ATP8B4: variants seen among roughly 807,000 people sequenced by gnomAD.
ATP8B4 encodes the protein ATPase phospholipid transporting 8B4 (putative), also known as probable phospholipid-transporting ATPase IM.
A neutral mutation model predicts 145.6 loss-of-function variants in ATP8B4; 133 were observed. The ratio of observed to expected loss-of-function variants is 0.91; its 90% CI spans 0.79 to 1.05. ATP8B4 has a LOEUF of 1.05. ATP8B4 is among the 50% of genes least tolerant of loss of function. The pLI, the probability that ATP8B4 is intolerant of heterozygous loss-of-function variation, is 0.00. For synonymous variants in ATP8B4, 507 were observed against 492.9 expected, an observed-to-expected ratio of 1.03 and a Z score of -0.38; for missense variants, 1,458 against 1,425.2, an observed-to-expected ratio of 1.02 and a Z score of -0.37.
chr15:50,171,127 C>A (rs917623044), intron 1 of ATP8B4, among the ~76,000 whole-genome samples: 3 of 152,114 alleles, frequency 2.0e-5, no homozygotes, highest in Non-Finnish European at 4.4e-5. Flanking sequence ...CTTCAATACT[C>A]CACTGACAGC....
intron 2 of ATP8B4, among the ~76,000 whole-genome samples, chr15:50,075,747 A>C (rs1035191991): frequency 2.6e-5 from 4 of 152,224 alleles, no homozygotes; most frequent in Non-Finnish European, 2.9e-5. Context: ...ACCCTGGCTA[A>C]AAAGCACCAT....
At chr15:50,056,246 G>A (rs918669234) in intron 3 of ATP8B4, among the ~76,000 whole-genome samples, 2 of 152,138 alleles carry the variant, frequency 1.3e-5, no homozygotes, top group Admixed American at 6.5e-5. Context: ...TTTTGTTAAA[G>A]TCCTTCTGTG....
At chr15:49,940,216 TA>T (rs1292676718) in intron 14 of ATP8B4, among the ~76,000 whole-genome samples, 3 of 152,122 alleles carry the variant, frequency 2.0e-5, no homozygotes, top group Admixed American at 1.3e-4. Flanking sequence ...TATACAGCCA[TA>T]AAAAAGAATG....
intron 1 of ATP8B4, among the ~76,000 whole-genome samples, chr15:50,162,223 G>T (rs1319573540): frequency 3.3e-5 from 5 of 151,686 alleles, no homozygotes; most frequent in African/African-American, 1.2e-4. Context: ...CTTGACCTTT[G>T]AAGTCTGATT....
intron 23 of ATP8B4, among the ~76,000 whole-genome samples, chr15:49,889,756 T>C (rs1381577880): frequency 6.6e-6 from 1 of 152,212 alleles, no homozygotes; most frequent in African/African-American, 2.4e-5. Context: ...GGCAGACTGA[T>C]GTAGTAAAGA....
At chr15:49,960,646 T>C (rs2043983660) in intron 14 of ATP8B4, among the ~76,000 whole-genome samples, 1 of 152,268 alleles carries the variant, frequency 6.6e-6, no homozygotes, top group Middle Eastern at 3.4e-3. Flanking sequence ...GAAAAAGTGA[T>C]AAACTCAATT....
chr15:49,959,104 A>T (rs899347742), intron 14 of ATP8B4, among the ~76,000 whole-genome samples: 3 of 152,138 alleles, frequency 2.0e-5, no homozygotes, highest in Non-Finnish European at 2.9e-5. Flanking sequence ...GTAGCATATT[A>T]AAAAACAGTT....
chr15:50,065,202 G>A (rs1363894700), intron 3 of ATP8B4, among the ~76,000 whole-genome samples: 1 of 152,034 alleles, frequency 6.6e-6, no homozygotes, highest in African/African-American at 2.4e-5. Context: ...ACATTATGTT[G>A]TGTACTATAA....
At chr15:50,125,903 G>A (rs146276470) in intron 1 of ATP8B4, among the ~76,000 whole-genome samples, 1 of 152,232 alleles carries the variant, frequency 6.6e-6, no homozygotes, top group Non-Finnish European at 1.5e-5. Context: ...CTGAATCTAT[G>A]CTCCCAGGTT....
intron 3 of ATP8B4, among the ~76,000 whole-genome samples, chr15:50,054,266 C>T (rs1161265191): frequency 6.6e-6 from 1 of 152,210 alleles, no homozygotes; most frequent in Non-Finnish European, 1.5e-5. Context: ...ATCTCCAATG[C>T]TTCGAGGTAT....
chr15:49,964,974 G>C (rs1264369683), intron 13 of ATP8B4, among the ~76,000 whole-genome samples: 3 of 152,152 alleles, frequency 2.0e-5, no homozygotes, highest in African/African-American at 7.2e-5. Flanking sequence ...TATGTTTTGG[G>C]TTAAAGCAAT....
chr15:49,953,248 T>C (rs2043257354), intron 14 of ATP8B4, among the ~76,000 whole-genome samples: 1 of 152,160 alleles, frequency 6.6e-6, no homozygotes, highest in African/African-American at 2.4e-5. Flanking sequence ...GGAAGGGCTG[T>C]GTTTCACTGG....
At chr15:49,998,767 G>T (rs1043699457) in intron 8 of ATP8B4, among the ~76,000 whole-genome samples, 17 of 152,124 alleles carry the variant, frequency 1.1e-4, no homozygotes, top group African/African-American at 3.9e-4. Context: ...GTCAATTTTG[G>T]CTTTTGTTGC....
chr15:50,046,849 T>C (rs2051763233), intron 4 of ATP8B4, among the ~76,000 whole-genome samples: 1 of 152,220 alleles, frequency 6.6e-6, no homozygotes, highest in East Asian at 1.9e-4. Context: ...GGTTACTAAA[T>C]ACCAATTAAC....
intron 13 of ATP8B4, among the ~76,000 whole-genome samples, chr15:49,969,793 A>G (rs2044915942): frequency 6.6e-6 from 1 of 152,226 alleles, no homozygotes; most frequent in Non-Finnish European, 1.5e-5. Context: ...TCATCCTGAT[A>G]CCAAAACTGG....
chr15:50,056,561 T>C (rs2052611211), intron 3 of ATP8B4, among the ~76,000 whole-genome samples: 2 of 152,226 alleles, frequency 1.3e-5, no homozygotes, highest in East Asian at 1.9e-4. Flanking sequence ...ACGTGTCCCC[T>C]AGGGGTGCTC....
At chr15:49,945,158 AAAAT>A (rs2042461890) in intron 14 of ATP8B4, among the ~76,000 whole-genome samples, 1 of 152,154 alleles carries the variant, frequency 6.6e-6, no homozygotes. Context: ...ACAAAAAGCT[AAAAT>A]AAATAAAACC....
At chr15:50,073,075 A>ATG (rs1194946716) in intron 3 of ATP8B4, among the ~76,000 whole-genome samples, 2 of 141,838 alleles carry the variant, frequency 1.4e-5, no homozygotes, top group South Asian at 2.3e-4. Context: ...GCATATATAT[A>ATG]TGTGTGTGTG....
chr15:50,004,312 C>T (rs562485027), intron 7 of ATP8B4, among the ~76,000 whole-genome samples: 1 of 152,296 alleles, frequency 6.6e-6, no homozygotes, highest in South Asian at 2.1e-4. Context: ...TTTTCTAGTG[C>T]CCTCAGTCAT....
Sources: gnomAD v4.1 joint callset for allele counts (sites outside exome capture counted in the v4.1 genomes callset) on GRCh38, gnomAD v4.1.1 for gene constraint, MANE v1.5 for transcripts, NCBI Gene and HGNC (gene_info 2026-07-23, HGNC 2026-07-21) for gene names.